The following DIP2B variants were observed in gnomAD, a reference collection of about 807,000 sequenced individuals.
DIP2B encodes DIP2 acetate--CoA ligase B (putative).
In DIP2B, 76 loss-of-function variants were observed where a neutral mutation model predicts 198.0. That is an observed-to-expected ratio of 0.38 (90% CI 0.32 to 0.46). DIP2B has a LOEUF of 0.46. DIP2B is among the 20% of genes least tolerant of loss of function. The pLI, the probability that DIP2B is intolerant of heterozygous loss-of-function variation, is 0.99. For synonymous variants in DIP2B, 701 were observed against 739.1 expected (o/e 0.95, Z 0.84); for missense variants, 1,559 against 1,978.4 (o/e 0.79, Z 4.02).
intron 13 of DIP2B, 90 bp downstream of exon 13, chr12:50,691,241 G>T: frequency 8.7e-7 from 1 of 1,152,356 alleles, no homozygotes; most frequent in South Asian, 1.4e-5. Context: ...CTCATTTAAT[G>T]ACCGAATTCA....
chr12:50,614,855 G>A (rs1341780490), intron 1 of DIP2B, among the ~76,000 whole-genome samples: 4 of 152,218 alleles, frequency 2.6e-5, no homozygotes, highest in Admixed American at 2.0e-4. Flanking sequence ...GGCAGTGGCA[G>A]TATTCTCCTT....
chr12:50,555,540 A>T (rs531083242), intron 1 of DIP2B, among the ~76,000 whole-genome samples: 1 of 152,160 alleles, frequency 6.6e-6, no homozygotes, highest in Non-Finnish European at 1.5e-5. Context: ...GAAAGAACAG[A>T]GGCTGTGCAC....
chr12:50,515,482 G>T (rs1236942581), intron 1 of DIP2B, among the ~76,000 whole-genome samples: 1 of 151,636 alleles, frequency 6.6e-6, no homozygotes. Context: ...GCCTGCCTTG[G>T]CCTCCAAAAT....
intron 1 of DIP2B, among the ~76,000 whole-genome samples, chr12:50,614,675 T>C (rs894503431): frequency 2.0e-5 from 3 of 152,300 alleles, no homozygotes; most frequent in Non-Finnish European, 2.9e-5. Flanking sequence ...CAGTATCAGA[T>C]AAATAGTTTG....
At chr12:50,734,695 GC>G (rs1197669074) in intron 33 of DIP2B, among the ~76,000 whole-genome samples, 3 of 152,260 alleles carry the variant, frequency 2.0e-5, no homozygotes, top group Middle Eastern at 6.8e-3. Flanking sequence ...TATCTGGAGT[GC>G]CCCACTGCAC....
chr12:50,561,678 G>A (rs1958520375), intron 1 of DIP2B, among the ~76,000 whole-genome samples: 1 of 151,752 alleles, frequency 6.6e-6, no homozygotes. Context: ...CATGATCTCT[G>A]CTTACTGCAA....
chr12:50,712,553 G>A (rs1017260656), intron 22 of DIP2B, among the ~76,000 whole-genome samples: 3 of 151,646 alleles, frequency 2.0e-5, no homozygotes, highest in Admixed American at 6.6e-5. Context: ...GTGGTGACCC[G>A]AGATTGCGCC....
At chr12:50,711,586 A>T (rs754700603) in intron 22 of DIP2B, among the ~76,000 whole-genome samples, 10 of 151,986 alleles carry the variant, frequency 6.6e-5, no homozygotes, top group Non-Finnish European at 1.2e-4. Context: ...TTTGAGATAG[A>T]GTTTCACTCT....
chr12:50,513,730 C>T (rs535203316), intron 1 of DIP2B, among the ~76,000 whole-genome samples: 21 of 152,078 alleles, frequency 1.4e-4, no homozygotes, highest in East Asian at 9.7e-4. Context: ...ACAAACTAGC[C>T]GGGCATGGTG....
At chr12:50,552,112 G>A (rs1411441081) in intron 1 of DIP2B, among the ~76,000 whole-genome samples, 1 of 152,088 alleles carries the variant, frequency 6.6e-6, no homozygotes, top group Non-Finnish European at 1.5e-5. Flanking sequence ...GGTGTGAGGC[G>A]ATGTCTCATT....
intron 29 of DIP2B, 57 bp from the exon 30 acceptor site, chr12:50,728,491 T>TA (rs1939977225): frequency 6.4e-7 from 1 of 1,573,780 alleles, no homozygotes; most frequent in Admixed American, 1.7e-5. Context: ...TCGTCAGAGC[T>TA]GTTACTCTGC....
chr12:50,715,741 C>T (rs1939702454), intron 23 of DIP2B, among the ~76,000 whole-genome samples: 1 of 152,186 alleles, frequency 6.6e-6, no homozygotes, highest in South Asian at 2.1e-4. Context: ...CTAGAAATTG[C>T]ACATATTACT....
chr12:50,715,547 A>T (rs774458156), intron 23 of DIP2B, among the ~76,000 whole-genome samples: 2 of 152,182 alleles, frequency 1.3e-5, no homozygotes, highest in African/African-American at 4.8e-5. Context: ...CATGAAGTAT[A>T]CTTATCCCAT....
rs779470430 is a variant in DIP2B, at chr12:50,723,261, G to A, written c.3226G>A (p.Val1076Ile). Residue 1076 changes from valine to isoleucine, a missense_variant, in exon 27 of 38, where the codon GTC becomes ATC. Coordinates refer to ENST00000301180, the MANE Select transcript of DIP2B (RefSeq NM_173602.3). Reference sequence around the variant, plus strand: ...GTATGCGGGCTGTATACCTGTGACCGTCAGACCTCCACATGCTCAGAACCT... The same window carrying A: ...GTATGCGGGCTGTATACCTGTGACCATCAGACCTCCACATGCTCAGAACCT... Reference protein sequence around the residue: ...CLYAGCIPVTVRPPHAQNLTA... With the variant: ...CLYAGCIPVTIRPPHAQNLTA... The A allele has an allele frequency of 2.5e-5, 41 of 1,614,000 alleles. No homozygotes were observed. The highest frequency in any genetic ancestry group is 3.2e-5 in the Non-Finnish European group (38 of 1,180,044).
At chr12:50,649,211 G>C (rs889582164) in intron 3 of DIP2B, among the ~76,000 whole-genome samples, 7 of 152,118 alleles carry the variant, frequency 4.6e-5, no homozygotes, top group Admixed American at 1.3e-4. Context: ...GCCGATAAAA[G>C]CTATCAAATT....
chr12:50,554,048 T>G (rs919560470), intron 1 of DIP2B, among the ~76,000 whole-genome samples: 4 of 152,202 alleles, frequency 2.6e-5, no homozygotes, highest in Non-Finnish European at 5.9e-5. Context: ...AAGAGGCAAG[T>G]AATTTTATAA....
chr12:50,611,678 T>TAAAAAA, intron 1 of DIP2B, among the ~76,000 whole-genome samples: 1 of 152,186 alleles, frequency 6.6e-6, no homozygotes, highest in African/African-American at 2.4e-5. Context: ...CCCCCAGTAC[T>TAAAAAA]AGATCCCTTC....
intron 13 of DIP2B, 92 bp downstream of exon 13, chr12:50,691,243 C>A: frequency 1.8e-6 from 2 of 1,121,794 alleles, no homozygotes; most frequent in Non-Finnish European, 1.3e-6. Context: ...CATTTAATGA[C>A]CGAATTCAGA....
At chr12:50,547,237 TA>T (rs1245648068) in intron 1 of DIP2B, among the ~76,000 whole-genome samples, 1 of 152,208 alleles carries the variant, frequency 6.6e-6, no homozygotes, top group Non-Finnish European at 1.5e-5. Context: ...AAGTTTGGCT[TA>T]AAACAGTGAA....
Sources: gnomAD v4.1 joint callset for allele counts (sites outside exome capture counted in the v4.1 genomes callset) on GRCh38, gnomAD v4.1.1 for gene constraint, MANE v1.5 for transcripts, NCBI Gene and HGNC (gene_info 2026-07-23, HGNC 2026-07-21) for gene names.